The following PRELID2 variants were observed in gnomAD, a reference collection of about 807,000 sequenced individuals.
The protein encoded by PRELID2 is PRELI domain containing 2.
In PRELID2, 25 loss-of-function variants were observed where a neutral mutation model predicts 28.4. The ratio of observed to expected loss-of-function variants is 0.88; its 90% CI spans 0.64 to 1.23. The LOEUF (loss-of-function observed/expected upper bound fraction) is 1.23. PRELID2 is among the 50% of genes most tolerant of loss of function. PRELID2 has a pLI of 0.00. For synonymous variants in PRELID2, 76 were observed against 71.6 expected, an observed-to-expected ratio of 1.06 and a Z score of -0.31; for missense variants, 201 against 214.4, an observed-to-expected ratio of 0.94 and a Z score of 0.39.
chr5:145,246,751 A>G, the PRELID2 span, among the ~76,000 whole-genome samples: 13 of 152,144 alleles, frequency 8.5e-5, no homozygotes, highest in Admixed American at 4.6e-4. Context: ...AAATTATGAC[A>G]GTGAAAAAGA....
At chr5:145,622,978 A>G (rs1753792153) in intron 1 of PRELID2, among the ~76,000 whole-genome samples, 1 of 152,048 alleles carries the variant, frequency 6.6e-6, no homozygotes, top group Non-Finnish European at 1.5e-5. Flanking sequence ...CAATTTTTTA[A>G]AAAATTATAT....
At chr5:145,780,439 G>T (rs965191940) in intron 5 of PRELID2, among the ~76,000 whole-genome samples, 2 of 152,182 alleles carry the variant, frequency 1.3e-5, no homozygotes, top group East Asian at 1.9e-4. Context: ...AGGAACATGA[G>T]ACACAGAAAA....
chr5:145,669,099 T>C (rs181391587), intron 1 of PRELID2, among the ~76,000 whole-genome samples: 6 of 152,226 alleles, frequency 3.9e-5, no homozygotes, highest in Admixed American at 6.5e-5. Context: ...CACATAGCCA[T>C]TCCTAAACCA....
At chr5:145,329,887 G>A in the PRELID2 span, among the ~76,000 whole-genome samples, 1 of 152,166 alleles carries the variant, frequency 6.6e-6, no homozygotes, top group East Asian at 1.9e-4. Flanking sequence ...TCCAGCTTTT[G>A]CTCATTCAGT....
At chr5:145,709,458 T>A (rs890631646) in intron 1 of PRELID2, among the ~76,000 whole-genome samples, 3 of 152,052 alleles carry the variant, frequency 2.0e-5, no homozygotes, top group Non-Finnish European at 4.4e-5. Flanking sequence ...CAGTTATACA[T>A]CAGAATTGCT....
At chr5:145,256,022 A>C in the PRELID2 span, among the ~76,000 whole-genome samples, 2 of 152,028 alleles carry the variant, frequency 1.3e-5, no homozygotes, top group Admixed American at 6.5e-5. Context: ...AATTATAACA[A>C]ACTTAGTAGC....
At chr5:145,249,861 G>T in the PRELID2 span, among the ~76,000 whole-genome samples, 55 of 151,792 alleles carry the variant, frequency 3.6e-4, 1 homozygote, top group Admixed American at 2.0e-4. Flanking sequence ...GTGGAGGGAG[G>T]GGCAATAGGG....
the PRELID2 span, among the ~76,000 whole-genome samples, chr5:145,336,796 G>A: frequency 1.3e-5 from 2 of 151,856 alleles, no homozygotes; most frequent in African/African-American, 4.8e-5. Context: ...AAAATGATGA[G>A]TTCATGTCCT....
chr5:145,412,255 A>G, the PRELID2 span, among the ~76,000 whole-genome samples: 1 of 152,056 alleles, frequency 6.6e-6, no homozygotes, highest in Non-Finnish European at 1.5e-5. Context: ...AATTTTTCCA[A>G]ATTTTTATGC....
chr5:145,326,147 G>A, the PRELID2 span, among the ~76,000 whole-genome samples: 1 of 152,026 alleles, frequency 6.6e-6, no homozygotes, highest in African/African-American at 2.4e-5. Context: ...TAGGACTACA[G>A]GCATGTGCCA....
intron 1 of PRELID2, among the ~76,000 whole-genome samples, chr5:145,549,859 C>T (rs1752819599): frequency 6.6e-6 from 1 of 151,826 alleles, no homozygotes; most frequent in Non-Finnish European, 1.5e-5. Flanking sequence ...TTATAAAACA[C>T]GTCACTCCTT....
chr5:145,446,996 C>A, the PRELID2 span, among the ~76,000 whole-genome samples: 5 of 151,626 alleles, frequency 3.3e-5, no homozygotes, highest in Non-Finnish European at 7.4e-5. Context: ...TTGCAGTGAG[C>A]TGAGATCCCA....
At chr5:145,345,771 T>A in the PRELID2 span, among the ~76,000 whole-genome samples, 1 of 152,016 alleles carries the variant, frequency 6.6e-6, no homozygotes, top group Non-Finnish European at 1.5e-5. Context: ...ATAAAGGGAT[T>A]CAAGATTCAA....
At chr5:145,726,028 T>A (rs530898244) in intron 1 of PRELID2, among the ~76,000 whole-genome samples, 175 of 151,296 alleles carry the variant, frequency 1.2e-3, no homozygotes, top group African/African-American at 2.8e-3. Context: ...ACAAAAAAAA[T>A]TTTTTTTAAT....
At chr5:145,418,180 A>C in the PRELID2 span, among the ~76,000 whole-genome samples, 6 of 152,320 alleles carry the variant, frequency 3.9e-5, no homozygotes, top group South Asian at 6.2e-4. Flanking sequence ...ACAGATAACA[A>C]GGAAAGTGAA....
At chr5:145,369,987 G>A in the PRELID2 span, among the ~76,000 whole-genome samples, 1 of 148,170 alleles carries the variant, frequency 6.7e-6, no homozygotes. Context: ...TTGTTTTCTT[G>A]TAAATTATCT....
the PRELID2 span, among the ~76,000 whole-genome samples, chr5:145,318,500 A>G: frequency 6.6e-6 from 1 of 152,230 alleles, no homozygotes; most frequent in Non-Finnish European, 1.5e-5. Flanking sequence ...CTTCGTATGC[A>G]CTCACAGTAC....
At chr5:145,315,545 GGTGTGTGTGTGTGT>G in the PRELID2 span, among the ~76,000 whole-genome samples, 1,115 of 142,988 alleles carry the variant, frequency 7.8e-3, 14 homozygotes, top group East Asian at 0.058. Flanking sequence ...GCTCTTTCAG[GGTGTGTGTGTGTGT>G]GTGTGTGTGT....
At chr5:145,287,273 G>A in the PRELID2 span, among the ~76,000 whole-genome samples, 1 of 151,908 alleles carries the variant, frequency 6.6e-6, no homozygotes, top group African/African-American at 2.4e-5. Context: ...CACAGTAAGA[G>A]ATTACAATAA....
Sources: gnomAD v4.1 joint callset for allele counts (sites outside exome capture counted in the v4.1 genomes callset) on GRCh38, gnomAD v4.1.1 for gene constraint, MANE v1.5 for transcripts, NCBI Gene and HGNC (gene_info 2026-07-23, HGNC 2026-07-21) for gene names.